KLHDC1: variants seen among roughly 807,000 people sequenced by gnomAD.
KLHDC1 encodes kelch domain-containing protein 1.
In KLHDC1, 53 loss-of-function variants were observed where a neutral mutation model predicts 68.3. The observed-to-expected ratio is 0.78, with a 90% CI of 0.62 to 0.98. The LOEUF is 0.98. Among genes scored for constraint, KLHDC1 ranks in the 50% least tolerant of loss-of-function variants. The pLI, the probability that KLHDC1 is intolerant of heterozygous loss-of-function variation, is 0.00. For synonymous variants in KLHDC1, 148 were observed against 159.0 expected, an observed-to-expected ratio of 0.93 and a Z score of 0.52; for missense variants, 470 against 492.3, an observed-to-expected ratio of 0.95 and a Z score of 0.43.
intron 5 of KLHDC1, among the ~76,000 whole-genome samples, 189 bp downstream of exon 5, chr14:49,724,141 G>A (rs976887465): frequency 6.6e-6 from 1 of 152,060 alleles, no homozygotes; most frequent in African/African-American, 2.4e-5. Context: ...AGTGGTATTA[G>A]CCTTCATGGC....
At chr14:49,743,907 T>C (rs1231588463) in intron 12 of KLHDC1, 102 bp downstream of exon 12, 34 of 663,292 alleles carry the variant, frequency 5.1e-5, no homozygotes, top group Non-Finnish European at 7.6e-5. Context: ...GCTTATGACA[T>C]GAATTCAAGA....
chr14:49,695,477 A>T (rs901185583), intron 1 of KLHDC1, among the ~76,000 whole-genome samples: 6 of 152,180 alleles, frequency 3.9e-5, no homozygotes, highest in Admixed American at 1.3e-4. Context: ...TCTGAGCAGC[A>T]GTTCTCAACA....
In KLHDC1 at chr14:49,725,672, C is replaced by T; in HGVS notation, c.484-14C>T. The T allele has an allele frequency of 8.6e-7, 1 of 1,161,828 alleles. No individual in the cohort carries two copies. Among genetic ancestry groups the T allele is most frequent in the South Asian group, 1.4e-5 (1 of 70,248 alleles). The allele number at this position is 1,161,828 out of a possible 1,614,324, so 72.0% of individuals were successfully genotyped here. ...TATTAAAGCTTTGAGATATTTAAAA[C>T]ATTTCTCTTTTAGGAAGAGCAGATA... On this transcript the variant is annotated splice_polypyrimidine_tract_variant and intron_variant, in intron 5 of 12. Coordinates refer to ENST00000359332, the MANE Select transcript of KLHDC1 (RefSeq NM_172193.3).
At position 49,751,664 on chromosome 14, in the gene KLHDC1, A is replaced by G. The variant is rs747826352; in HGVS notation, c.1113A>G (p.Gln371=). 7.5e-6 allele frequency: 12 copies of G among 1,607,084 alleles called. No individual in the cohort carries two copies. Among genetic ancestry groups the G allele is most frequent in the South Asian group, 1.1e-5 (1 of 90,444 alleles). The change falls in exon 13 of 13, where the codon CAA becomes CAG. Residue 371 remains glutamine, a synonymous_variant. Transcript: ENST00000359332. ...CTTTATTACCTCCTAAACTTCTGCA[A>G]CAAGTACTCAAAAAAATAACATTTT... The part of the protein sequence containing the change: ...QISLLPPKLL[Q]QVLKKITFWA...
chr14:49,722,439 A>G (rs1270081047), intron 4 of KLHDC1, among the ~76,000 whole-genome samples: 2 of 152,208 alleles, frequency 1.3e-5, no homozygotes, highest in Non-Finnish European at 2.9e-5. Flanking sequence ...TACAAAGGAC[A>G]TGAACTCATC....
chr14:49,725,851 T>G (rs1211620714), intron 6 of KLHDC1, 82 bp downstream of exon 6: 1 of 725,984 alleles, frequency 1.4e-6, no homozygotes, highest in Non-Finnish European at 2.2e-6. Flanking sequence ...TTTTTTTGTT[T>G]TGTTTTGTGT....
At position 49,693,782 on chromosome 14, in the gene KLHDC1, T is replaced by C. The variant is rs1355055638; in HGVS notation, c.96+492T>C. On this transcript the variant is annotated intron_variant, in intron 1 of 12. Transcript: ENST00000359332. ...TTTTTTTTGAGATGGAGTTTCGCTCTTGTTGCCCAGGGCTGGAGTGCAATG... is the reference window on the plus strand; with the variant it reads ...TTTTTTTTGAGATGGAGTTTCGCTCCTGTTGCCCAGGGCTGGAGTGCAATG... Among the ~76,000 whole-genome samples the C allele has an allele frequency of 5.7e-4, 10 of 17,564 alleles. 1 individual carries two copies. In the South Asian group the frequency reaches 0.14, roughly 237 times the overall value. 11.5% of individuals were successfully genotyped at this position (17,564 alleles called of 152,430 possible).
intron 4 of KLHDC1, among the ~76,000 whole-genome samples, chr14:49,711,305 A>G (rs553280233): frequency 1.3e-5 from 2 of 151,890 alleles, no homozygotes; most frequent in South Asian, 4.2e-4. Flanking sequence ...AGGTTCAAGC[A>G]ATTCTCTTGC....
At position 49,709,746 on chromosome 14, in the gene KLHDC1, A is replaced by C; in HGVS notation, c.205A>C (p.Met69Leu). Reference protein sequence around the residue: ...HLMEGELPASMSGSCGACING... With the variant: ...HLMEGELPASLSGSCGACING... ...CATGGAAGGAGAACTCCCAGCCTCC[A>C]TGTCAGGAAGCTGTGGTGCTTGCAT... The change falls in exon 3 of 13, where the codon ATG (methionine) becomes CTG (leucine). Residue 69 changes from methionine to leucine, a missense_variant. By Grantham distance (15) the Met-to-Leu change is conservative. Transcript: ENST00000359332. The C allele has an allele frequency of 6.2e-7, 1 of 1,603,482 alleles. No homozygotes were observed. Among genetic ancestry groups the C allele is most frequent in the Non-Finnish European group, 8.5e-7 (1 of 1,175,424 alleles).
intron 6 of KLHDC1, among the ~76,000 whole-genome samples, chr14:49,728,216 G>A (rs1594671821): frequency 1.3e-5 from 2 of 152,286 alleles, no homozygotes; most frequent in African/African-American, 4.8e-5. Context: ...CCAGCTACTG[G>A]GGAGGTTGAG....
chr14:49,729,604 G>A (rs1888754427), intron 8 of KLHDC1, 56 bp downstream of exon 8: 2 of 1,128,562 alleles, frequency 1.8e-6, no homozygotes, highest in African/African-American at 1.6e-5. Context: ...GTGTCTGTAT[G>A]TCACCATAAT....
intron 1 of KLHDC1, among the ~76,000 whole-genome samples, chr14:49,706,773 ATG>A (rs2139735365): frequency 6.6e-6 from 1 of 152,268 alleles, no homozygotes; most frequent in South Asian, 2.1e-4. Context: ...TGCCATACTT[ATG>A]TCTTCTTTGG....
chr14:49,698,408 T>C (rs767562260), intron 1 of KLHDC1, among the ~76,000 whole-genome samples: 16 of 151,984 alleles, frequency 1.1e-4, no homozygotes, highest in Non-Finnish European at 2.2e-4. Flanking sequence ...TTCACCATGT[T>C]GGCCAGGCTG....
At chr14:49,750,396 A>G (rs1017510932) in intron 12 of KLHDC1, among the ~76,000 whole-genome samples, 1 of 152,152 alleles carries the variant, frequency 6.6e-6, no homozygotes, top group Admixed American at 6.6e-5. Context: ...CTCCATCTGG[A>G]GAGTTTCCCC....
At position 49,709,144 on chromosome 14, in the gene KLHDC1, A is replaced by G. The variant is rs2139737771; in HGVS notation, c.97-15A>G. 9.4e-7 allele frequency: 1 copy of G among 1,062,842 alleles called. No homozygotes were observed. Among genetic ancestry groups the G allele is most frequent in the Non-Finnish European group, 1.4e-6 (1 of 702,842 alleles). 65.8% of individuals were successfully genotyped at this position (1,062,842 alleles called of 1,614,324 possible). The stretch of plus-strand genomic sequence containing the variant: ...GTAACTGATAAACATAATTTTATGT[A>G]TTCTGTATTTTTAGTCTATTGAAGA... On this transcript the variant is annotated splice_polypyrimidine_tract_variant and intron_variant, in intron 1 of 12. Coordinates refer to ENST00000359332, the MANE Select transcript of KLHDC1 (RefSeq NM_172193.3).
At chr14:49,725,942 G>A (rs1231164272) in intron 6 of KLHDC1, among the ~76,000 whole-genome samples, 173 bp downstream of exon 6, 1 of 152,070 alleles carries the variant, frequency 6.6e-6, no homozygotes, top group Non-Finnish European at 1.5e-5. Context: ...CCGCCTCCCG[G>A]GTTCAGGTGG....
In KLHDC1 at chr14:49,695,464, T is replaced by C. The variant is rs186807560; in HGVS notation, c.96+2174T>C. 1.0e-3 allele frequency among the ~76,000 whole-genome samples: 152 copies of C among 152,152 alleles called. No homozygotes were observed. In the Middle Eastern group the frequency reaches 0.014, roughly 14 times the overall value. ...TGTTGTCAATGAGCAGTGAGTGAGA[T>C]TTTCTGAGCAGCAGTTCTCAACAAT... On this transcript the variant is annotated intron_variant, in intron 1 of 12. Coordinates refer to ENST00000359332, the MANE Select transcript of KLHDC1 (RefSeq NM_172193.3).
At chr14:49,704,137 C>A (rs533955536) in intron 1 of KLHDC1, among the ~76,000 whole-genome samples, 66 of 152,258 alleles carry the variant, frequency 4.3e-4, no homozygotes, top group African/African-American at 1.5e-3. Flanking sequence ...TTTTGCCGTT[C>A]CAGTGAGTGT....
chr14:49,724,594 T>C (rs544529410), intron 5 of KLHDC1, among the ~76,000 whole-genome samples: 1 of 152,148 alleles, frequency 6.6e-6, no homozygotes, highest in East Asian at 1.9e-4. Context: ...GTATATTGCT[T>C]TGTATATGGG....
Sources: allele counts gnomAD v4.1 joint callset (sites outside exome capture counted in the v4.1 genomes callset), GRCh38; gene constraint gnomAD v4.1.1; transcripts MANE v1.5; gene names NCBI Gene and HGNC (gene_info 2026-07-23, HGNC 2026-07-21).